The following SPMAP2L variants were observed in gnomAD, a reference collection of about 807,000 sequenced individuals.
The protein encoded by SPMAP2L is sperm microtubule associated protein 2 like, also known as sperm microtubule associated protein 2-like.
chr4:56,594,653 C>T, the SPMAP2L span: 5 of 1,332,668 alleles, frequency 3.8e-6, no homozygotes, highest in Non-Finnish European at 5.4e-6. Context: ...CATGAAGATT[C>T]AGCCTGTGGA....
the SPMAP2L span, among the ~76,000 whole-genome samples, chr4:56,537,299 C>T: frequency 6.6e-6 from 1 of 152,216 alleles, no homozygotes; most frequent in Non-Finnish European, 1.5e-5. Context: ...TAACCACACT[C>T]ACTCAAGAGT....
chr4:56,566,842 A>G, the SPMAP2L span, among the ~76,000 whole-genome samples: 1 of 151,326 alleles, frequency 6.6e-6, no homozygotes, highest in African/African-American at 2.4e-5. Flanking sequence ...GATTACAGGC[A>G]TGCGCAACCA....
chr4:56,618,608 A>G, the SPMAP2L span, among the ~76,000 whole-genome samples: 1 of 152,182 alleles, frequency 6.6e-6, no homozygotes, highest in East Asian at 1.9e-4. Context: ...CTCACTCACT[A>G]TCACAAGAAC....
chr4:56,616,032 G>A, the SPMAP2L span, among the ~76,000 whole-genome samples: 2 of 152,152 alleles, frequency 1.3e-5, no homozygotes, highest in Non-Finnish European at 2.9e-5. Context: ...TGGGGCTTGA[G>A]AGTGAGCATT....
chr4:56,615,933 C>T, the SPMAP2L span, among the ~76,000 whole-genome samples: 1 of 152,092 alleles, frequency 6.6e-6, no homozygotes, highest in Admixed American at 6.5e-5. Flanking sequence ...GGGTGCTGCT[C>T]AAAATTTAGC....
the SPMAP2L span, among the ~76,000 whole-genome samples, chr4:56,568,331 C>T: frequency 6.6e-6 from 1 of 151,982 alleles, no homozygotes; most frequent in South Asian, 2.1e-4. Flanking sequence ...CTTTGCATAC[C>T]TGGTAGTTTT....
At chr4:56,593,541 A>T in the SPMAP2L span, 8 of 1,600,078 alleles carry the variant, frequency 5.0e-6, no homozygotes, top group African/African-American at 1.1e-4. Flanking sequence ...TGTGCTACTG[A>T]CCTTTTAGCT....
chr4:56,620,472 C>T, the SPMAP2L span, among the ~76,000 whole-genome samples: 352 of 151,788 alleles, frequency 2.3e-3, no homozygotes, highest in Non-Finnish European at 3.8e-3. Flanking sequence ...CCGCAACCTC[C>T]GCCTCCTGGG....
chr4:56,565,140 A>G, the SPMAP2L span, among the ~76,000 whole-genome samples: 1 of 152,170 alleles, frequency 6.6e-6, no homozygotes, highest in African/African-American at 2.4e-5. Context: ...ATTTTGCTGT[A>G]ATGGGTAAAG....
the SPMAP2L span, among the ~76,000 whole-genome samples, chr4:56,562,891 CT>C: frequency 0.67 from 100,853 of 150,638 alleles, 34,495 homozygotes; most frequent in Middle Eastern, 0.75. Context: ...TCTTTCTAAA[CT>C]TTTTTTTAGG....
the SPMAP2L span, among the ~76,000 whole-genome samples, chr4:56,602,896 A>T: frequency 1.3e-5 from 2 of 152,306 alleles, no homozygotes; most frequent in East Asian, 3.9e-4. Flanking sequence ...GGTAAATGAT[A>T]CATAGGGGAT....
At chr4:56,607,249 G>A in the SPMAP2L span, among the ~76,000 whole-genome samples, 1 of 152,158 alleles carries the variant, frequency 6.6e-6, no homozygotes, top group African/African-American at 2.4e-5. Flanking sequence ...TTGAGGGAGT[G>A]AGTTCATCCC....
chr4:56,562,023 C>CT, the SPMAP2L span, among the ~76,000 whole-genome samples: 5 of 152,134 alleles, frequency 3.3e-5, no homozygotes, highest in African/African-American at 4.8e-5. Context: ...CGCGCCTGGC[C>CT]TGGGAATCAA....
At chr4:56,609,055 T>C in the SPMAP2L span, among the ~76,000 whole-genome samples, 4 of 148,438 alleles carry the variant, frequency 2.7e-5, no homozygotes, top group Non-Finnish European at 6.0e-5. Context: ...TCTTTCTTTT[T>C]TTTTTTTTTT....
chr4:56,551,148 G>T, the SPMAP2L span, among the ~76,000 whole-genome samples: 1 of 152,116 alleles, frequency 6.6e-6, no homozygotes, highest in Admixed American at 6.5e-5. Flanking sequence ...CAGGGCTAGG[G>T]CTTATTCTAA....
At chr4:56,564,298 C>T in the SPMAP2L span, among the ~76,000 whole-genome samples, 1 of 151,954 alleles carries the variant, frequency 6.6e-6, no homozygotes, top group South Asian at 2.1e-4. Flanking sequence ...ACCACCATGC[C>T]TAGCTAATTC....
chr4:56,564,441 A>T, the SPMAP2L span, among the ~76,000 whole-genome samples: 10,872 of 152,194 alleles, frequency 0.071, 445 homozygotes, highest in East Asian at 0.13. Context: ...CGCCCAGCTC[A>T]TTTATTAATT....
At chr4:56,558,090 T>A in the SPMAP2L span, among the ~76,000 whole-genome samples, 1 of 152,092 alleles carries the variant, frequency 6.6e-6, no homozygotes, top group Non-Finnish European at 1.5e-5. Flanking sequence ...CACCTCAGCC[T>A]CCCAAGTAGC....
At chr4:56,563,522 A>T in the SPMAP2L span, among the ~76,000 whole-genome samples, 98 of 152,226 alleles carry the variant, frequency 6.4e-4, 1 homozygote, top group African/African-American at 2.2e-3. Context: ...GGGGAAGGAG[A>T]TGGATACAGG....
Sources: gnomAD v4.1 joint callset for allele counts (sites outside exome capture counted in the v4.1 genomes callset) on GRCh38, gnomAD v4.1.1 for gene constraint, MANE v1.5 for transcripts, NCBI Gene and HGNC (gene_info 2026-07-23, HGNC 2026-07-21) for gene names.